Variants in SPTBN1 observed in about 807,000 individuals in gnomAD.
SPTBN1 encodes the protein spectrin beta, non-erythrocytic 1, also known as spectrin beta chain, non-erythrocytic 1.
A neutral mutation model predicts 266.4 loss-of-function variants in SPTBN1; 32 were observed. The observed-to-expected ratio is 0.12, with a 90% CI of 0.09 to 0.16. The LOEUF is 0.16. Ranked by LOEUF, SPTBN1 falls within the 10% of genes least tolerant of loss-of-function variation. The pLI is 1.00. For synonymous variants in SPTBN1, 1,336 were observed against 1,162.2 expected (o/e 1.15, Z -3.04); for missense variants, 2,296 against 3,067.1 (o/e 0.75, Z 5.94).
intron 34 of SPTBN1, among the ~76,000 whole-genome samples, chr2:54,667,296 C>G (rs1402252956): frequency 1.3e-5 from 2 of 152,218 alleles, no homozygotes; most frequent in African/African-American, 4.8e-5. Flanking sequence ...AGTAAGTGAT[C>G]AGGCATCCAC....
intron 3 of SPTBN1, among the ~76,000 whole-genome samples, chr2:54,603,580 C>T (rs957842235): frequency 6.6e-6 from 1 of 152,162 alleles, no homozygotes; most frequent in South Asian, 2.1e-4. Context: ...CAGCTGGGAA[C>T]AAGACAGGCA....
intron 19 of SPTBN1, among the ~76,000 whole-genome samples, chr2:54,643,621 G>C: frequency 6.6e-6 from 1 of 152,128 alleles, no homozygotes; most frequent in East Asian, 1.9e-4. Flanking sequence ...GATGAATATG[G>C]AGTCCCCCCC....
chr2:54,468,102 T>C (rs948106542), intron 1 of SPTBN1, among the ~76,000 whole-genome samples: 1 of 151,130 alleles, frequency 6.6e-6, no homozygotes, highest in Admixed American at 6.6e-5. Context: ...AGGTCAGGAG[T>C]TTGAGACGAG....
intron 3 of SPTBN1, among the ~76,000 whole-genome samples, chr2:54,611,261 A>C (rs1336049723): frequency 6.6e-6 from 1 of 152,180 alleles, no homozygotes; most frequent in Non-Finnish European, 1.5e-5. Flanking sequence ...AATTGTCACC[A>C]ATCTCTAAAA....
At chr2:54,466,840 AT>A (rs976213866) in intron 1 of SPTBN1, among the ~76,000 whole-genome samples, 1 of 152,166 alleles carries the variant, frequency 6.6e-6, no homozygotes, top group East Asian at 1.9e-4. Context: ...CTGCTGTTCA[AT>A]TTTTTTCTAC....
chr2:54,466,262 A>G (rs966332121), intron 1 of SPTBN1, among the ~76,000 whole-genome samples: 8 of 152,210 alleles, frequency 5.3e-5, no homozygotes, highest in Admixed American at 3.3e-4. Flanking sequence ...ATCAATTAGT[A>G]TGAAATTTAG....
At chr2:54,666,971 G>C (rs1298460802) in intron 34 of SPTBN1, among the ~76,000 whole-genome samples, 2 of 152,120 alleles carry the variant, frequency 1.3e-5, no homozygotes, top group African/African-American at 2.4e-5. Context: ...TTTCCCCTTT[G>C]TACTCCCTTC....
chr2:54,464,671 T>A (rs1254350982), intron 1 of SPTBN1, among the ~76,000 whole-genome samples: 2 of 151,914 alleles, frequency 1.3e-5, no homozygotes, highest in Admixed American at 1.3e-4. Context: ...TTTGAGGAAC[T>A]TTTTTTTGTT....
At chr2:54,625,368 A>G (rs1308094529) in intron 11 of SPTBN1, among the ~76,000 whole-genome samples, 1 of 152,116 alleles carries the variant, frequency 6.6e-6, no homozygotes, top group East Asian at 1.9e-4. Flanking sequence ...CTAGCTTTTC[A>G]GTAAGGTACT....
intron 1 of SPTBN1, among the ~76,000 whole-genome samples, chr2:54,502,488 T>G (rs987112879): frequency 8.5e-5 from 13 of 152,202 alleles, no homozygotes; most frequent in African/African-American, 2.9e-4. Context: ...CTTCTGCCAT[T>G]TAGAGAAGAG....
At chr2:54,596,867 T>C (rs184103579) in intron 2 of SPTBN1, among the ~76,000 whole-genome samples, 11 of 152,280 alleles carry the variant, frequency 7.2e-5, no homozygotes, top group Admixed American at 2.0e-4. Flanking sequence ...GCTGTAACTC[T>C]TTAGGACAGG....
Position 54,645,965 on chromosome 2 carries a change from C to T in SPTBN1, c.4532C>T (p.Thr1511Met), listed in dbSNP as rs746665381. ...GAGAGGATGCCTTTGGCAACTTCCA[C>T]GGATCATGGCCACAACCTCCAGACT... is the stretch of plus-strand genomic sequence containing the variant. ...VGERMPLATS[T>M]DHGHNLQTVQ... The change falls in exon 22 of 36, where the codon ACG becomes ATG. Residue 1511 changes from threonine to methionine, a missense_variant. By Grantham distance (81) the Thr-to-Met change is moderately conservative. Transcript: ENST00000356805. This position sits in a 1 kb window ranked among gnomAD's most constrained non-coding sequence, Gnocchi z 4.3. 4.3e-6 allele frequency: 7 copies of T among 1,614,056 alleles called. No homozygotes were observed. Among genetic ancestry groups the T allele is most frequent in the Middle Eastern group, 1.6e-4 (1 of 6,084 alleles).
intron 1 of SPTBN1, among the ~76,000 whole-genome samples, chr2:54,509,065 G>C (rs914001897): frequency 9.8e-5 from 15 of 152,314 alleles, no homozygotes; most frequent in African/African-American, 2.6e-4. Context: ...GGTAATGGAG[G>C]GGGGCAGAGC....
At chr2:54,508,691 G>C (rs1669705717) in intron 1 of SPTBN1, among the ~76,000 whole-genome samples, 1 of 152,176 alleles carries the variant, frequency 6.6e-6, no homozygotes, top group Admixed American at 6.5e-5. Context: ...GAGTAGGTGG[G>C]AGTGGCCAGA....
chr2:54,506,164 A>G (rs947489181), intron 1 of SPTBN1, among the ~76,000 whole-genome samples: 3 of 143,436 alleles, frequency 2.1e-5, no homozygotes, highest in Non-Finnish European at 3.1e-5. Context: ...AATAAATAAA[A>G]TCTGAATGCA....
At chr2:54,522,701 A>AGAGAGAGAGAGAGAGAGAGAGAGAG (rs1558802720) in intron 1 of SPTBN1, among the ~76,000 whole-genome samples, 9 of 70,134 alleles carry the variant, frequency 1.3e-4, no homozygotes, top group South Asian at 4.3e-4. Context: ...GAGAGAGAGA[A>AGAGAGAGAGAGAGAGAGAGAGAGAG]AGAAAGAAAG....
rs754222128 is a variant in SPTBN1, at chr2:54,629,600, C to A, written c.2466C>A (p.Gly822=). ...ATGCCGAGTCTCCAGACGTGAGGGG[C>A]AGGCTGTCGGGCATCGAGGAGCGGT... The part of the protein sequence containing the change: ...QEHAESPDVR[G]RLSGIEERYK... The change falls in exon 14 of 36, where the codon GGC becomes GGA. Residue 822 remains glycine (G), a synonymous_variant. Coordinates refer to ENST00000356805, the MANE Select transcript of SPTBN1 (RefSeq NM_003128.3). The A allele has an allele frequency of 6.2e-7, 1 of 1,614,040 alleles. No individual in the cohort carries two copies. Among genetic ancestry groups the A allele is most frequent in the South Asian group, 1.1e-5 (1 of 91,086 alleles).
intron 1 of SPTBN1, among the ~76,000 whole-genome samples, chr2:54,517,791 G>A (rs1298290420): frequency 7.9e-5 from 12 of 151,934 alleles, no homozygotes; most frequent in East Asian, 5.8e-4. Flanking sequence ...GATTATAGGC[G>A]CCCGCCACCT....
chr2:54,468,959 G>A (rs575997205), intron 1 of SPTBN1, among the ~76,000 whole-genome samples: 1 of 152,320 alleles, frequency 6.6e-6, no homozygotes, highest in Non-Finnish European at 1.5e-5. Context: ...ATTTTACTGG[G>A]CTGGGTTTGG....
Sources: gnomAD v4.1 joint callset for allele counts (sites outside exome capture counted in the v4.1 genomes callset) on GRCh38, gnomAD v4.1.1 for gene constraint, Gnocchi (gnomAD v3.1) non-coding constraint, MANE v1.5 for transcripts, NCBI Gene and HGNC (gene_info 2026-07-23, HGNC 2026-07-21) for gene names.